OR1B1: variants seen among roughly 807,000 people sequenced by gnomAD.
OR1B1 encodes olfactory receptor family 1 subfamily B member 1.
For missense variants in OR1B1, 414 were observed against 402.1 expected (o/e 1.03, Z -0.25); for synonymous variants, 168 against 156.2 (o/e 1.08, Z -0.57).
the OR1B1 span, among the ~76,000 whole-genome samples, chr9:122,635,552 T>C: frequency 1.3e-5 from 2 of 152,210 alleles, no homozygotes; most frequent in South Asian, 4.1e-4. Context: ...TAGGTAACTA[T>C]GTGAGATAAT....
the OR1B1 span, among the ~76,000 whole-genome samples, chr9:122,652,239 A>G: frequency 5.9e-5 from 9 of 152,194 alleles, no homozygotes; most frequent in East Asian, 1.7e-3. Flanking sequence ...ATTACAACTT[A>G]CCTACTTCTA....
upstream of OR1B1, chr9:122,629,644 C>T (rs769682924): frequency 2.6e-4 from 182 of 688,206 alleles, no homozygotes; most frequent in Non-Finnish European, 4.1e-4. Context: ...TACTAAAGAT[C>T]GTTAAAGACC....
chr9:122,630,693 G>A (rs1456010116), upstream of OR1B1, among the ~76,000 whole-genome samples: 1 of 140,638 alleles, frequency 7.1e-6, no homozygotes, highest in African/African-American at 2.5e-5. Context: ...ACCTATCCAG[G>A]GTTTTTTTGT....
chr9:122,638,597 A>T, the OR1B1 span, among the ~76,000 whole-genome samples: 1 of 152,194 alleles, frequency 6.6e-6, no homozygotes, highest in African/African-American at 2.4e-5. Context: ...GAACTAAGAT[A>T]ATCAGAGATT....
At chr9:122,635,522 G>A in the OR1B1 span, among the ~76,000 whole-genome samples, 2 of 152,094 alleles carry the variant, frequency 1.3e-5, no homozygotes, top group Non-Finnish European at 2.9e-5. Flanking sequence ...TAGATTTAAG[G>A]TGTTCTTACC....
chr9:122,633,309 C>G (rs971787063), upstream of OR1B1, among the ~76,000 whole-genome samples: 1 of 152,178 alleles, frequency 6.6e-6, no homozygotes, highest in African/African-American at 2.4e-5. Context: ...TCAAAATGGA[C>G]TGAAGACCTA....
chr9:122,652,411 C>T, the OR1B1 span, among the ~76,000 whole-genome samples: 1 of 152,120 alleles, frequency 6.6e-6, no homozygotes, highest in Non-Finnish European at 1.5e-5. Flanking sequence ...TCGGCAAAGT[C>T]AAAAACCAGG....
the OR1B1 span, among the ~76,000 whole-genome samples, chr9:122,634,698 A>G: frequency 6.6e-6 from 1 of 152,194 alleles, no homozygotes; most frequent in African/African-American, 2.4e-5. Flanking sequence ...GGGTGGGGAC[A>G]CAGGGCCAAA....
chr9:122,641,394 A>C, the OR1B1 span, among the ~76,000 whole-genome samples: 1 of 152,208 alleles, frequency 6.6e-6, no homozygotes, highest in Non-Finnish European at 1.5e-5. Flanking sequence ...GACTTTCTTC[A>C]AGAGATAATT....
chr9:122,639,550 C>T, the OR1B1 span: 1 of 151,994 alleles, frequency 6.6e-6, no homozygotes, highest in Non-Finnish European at 1.5e-5. Flanking sequence ...CTTTAAGTTA[C>T]TAACTTTCAT....
chr9:122,631,311 GGACCAC>G (rs1237171813), upstream of OR1B1, among the ~76,000 whole-genome samples: 3 of 151,968 alleles, frequency 2.0e-5, no homozygotes, highest in African/African-American at 7.3e-5. Flanking sequence ...AGAGTAGCTG[GGACCAC>G]AGGCGCCCGC....
the OR1B1 span, among the ~76,000 whole-genome samples, chr9:122,647,845 G>A: frequency 6.6e-6 from 1 of 152,332 alleles, no homozygotes; most frequent in South Asian, 2.1e-4. Context: ...TAAATGGACA[G>A]TGGGTGACAA....
At chr9:122,635,948 T>G in the OR1B1 span, among the ~76,000 whole-genome samples, 1 of 152,306 alleles carries the variant, frequency 6.6e-6, no homozygotes, top group South Asian at 2.1e-4. Flanking sequence ...ATTTCCAAAG[T>G]GCTGAGAGAA....
chr9:122,644,383 GGGGA>G, the OR1B1 span, among the ~76,000 whole-genome samples: 1 of 152,244 alleles, frequency 6.6e-6, no homozygotes, highest in East Asian at 1.9e-4. Flanking sequence ...CCTGCCATAA[GGGGA>G]GGAAGGGGCA....
the OR1B1 span, among the ~76,000 whole-genome samples, chr9:122,656,336 G>A: frequency 6.6e-6 from 1 of 152,212 alleles, no homozygotes; most frequent in Non-Finnish European, 1.5e-5. Context: ...CAAAGTCCAT[G>A]TGTTGGGAGC....
the OR1B1 span, among the ~76,000 whole-genome samples, chr9:122,647,659 T>G: frequency 8.7e-4 from 133 of 152,318 alleles, no homozygotes; most frequent in Non-Finnish European, 1.6e-3. Flanking sequence ...TAATTGTAGA[T>G]ATTACACAGT....
At chr9:122,634,157 A>G (rs1830232897), upstream of OR1B1, among the ~76,000 whole-genome samples, 2 of 151,918 alleles carry the variant, frequency 1.3e-5, no homozygotes, top group African/African-American at 4.8e-5. Context: ...ACCAACGTGG[A>G]GAAACCCCGT....
the OR1B1 span, among the ~76,000 whole-genome samples, chr9:122,634,946 C>T: frequency 6.6e-6 from 1 of 152,156 alleles, no homozygotes. Context: ...TAAATTGGTG[C>T]ATCCATTATG....
the OR1B1 span, among the ~76,000 whole-genome samples, chr9:122,648,169 G>A: frequency 9.9e-5 from 15 of 152,156 alleles, no homozygotes; most frequent in East Asian, 2.9e-3. Context: ...ATAAAATACT[G>A]GCAAAATAAA....
Sources: gnomAD v4.1 joint callset for allele counts (sites outside exome capture counted in the v4.1 genomes callset) on GRCh38, gnomAD v4.1.1 for gene constraint, MANE v1.5 for transcripts, NCBI Gene and HGNC (gene_info 2026-07-23, HGNC 2026-07-21) for gene names.